Variants in MAP3K19 observed in about 807,000 individuals in gnomAD.
MAP3K19 encodes the protein SPS1/STE20-related protein kinase YSK4.
A neutral mutation model predicts 114.4 loss-of-function variants in MAP3K19; 91 were observed. The ratio of observed to expected loss-of-function variants is 0.80; its 90% CI spans 0.67 to 0.95. MAP3K19 has a LOEUF of 0.95. Among genes scored for constraint, MAP3K19 ranks in the 40% least tolerant of loss-of-function variants. The pLI is 0.00. For missense variants in MAP3K19, 1,471 were observed against 1,573.2 expected (o/e 0.94, Z 1.10); for synonymous variants, 518 against 530.5 (o/e 0.98, Z 0.32).
intron 8 of MAP3K19, among the ~76,000 whole-genome samples, chr2:134,998,036 G>A (rs1192783739): frequency 6.6e-6 from 1 of 152,092 alleles, no homozygotes; most frequent in East Asian, 1.9e-4. Flanking sequence ...TGAGGACAGT[G>A]GTAAACAAGT....
rs769078946 is a variant in MAP3K19, at chr2:134,987,744, T to C, written c.1128A>G (p.Val376=). Residue 376 remains valine (V), a synonymous_variant, in exon 10 of 13, where the codon GTA becomes GTG. Transcript: ENST00000392915. The stretch of plus-strand genomic sequence containing the variant: ...CTGGATCTTGTTCATAGTTTTTGGC[T>C]ACTGAACTCTCATTCTTTCTTGATG... ...YLSSRKNESS[V]AKNYEQDPEI... The C allele has an allele frequency of 1.2e-6, 2 of 1,609,738 alleles. No individual in the cohort carries two copies. The highest frequency in any genetic ancestry group is 3.3e-5 in the Admixed American group (2 of 59,992).
At chr2:135,018,287 A>AAG (rs1443339755) in intron 5 of MAP3K19, among the ~76,000 whole-genome samples, 1 of 151,210 alleles carries the variant, frequency 6.6e-6, no homozygotes, top group African/African-American at 2.4e-5. Context: ...ACAGCAAAAA[A>AAG]AAAAAAAAAA....
chr2:135,032,112 A>G (rs56369660), intron 2 of MAP3K19, among the ~76,000 whole-genome samples: 47,211 of 151,994 alleles, frequency 0.31, 11,069 homozygotes, highest in African/African-American at 0.64. Context: ...AAAACAGTCT[A>G]GTTTGGGAGG....
At position 134,988,264 on chromosome 2, in the gene MAP3K19, G is replaced by T; in HGVS notation, c.619-11C>A. ...TGGTGGCAGAAGGAACTAAAAGGAA[G>T]ACAGAAAAAGCTGTGAATGCAGAAA... On this transcript the variant is annotated splice_polypyrimidine_tract_variant and intron_variant, in intron 9 of 12. Coordinates refer to ENST00000392915, the MANE Select transcript of MAP3K19 (RefSeq NM_025052.5). 6.5e-7 allele frequency: 1 copy of T among 1,532,892 alleles called. No individual in the cohort carries two copies. Among genetic ancestry groups the T allele is most frequent in the South Asian group, 1.3e-5 (1 of 76,574 alleles). The allele number at this position is 1,532,892 out of a possible 1,614,324, so 95.0% of individuals were successfully genotyped here.
chr2:134,967,409 G>A (rs530259353), intron 12 of MAP3K19, among the ~76,000 whole-genome samples: 22 of 152,312 alleles, frequency 1.4e-4, no homozygotes, highest in Middle Eastern at 3.4e-3. Context: ...GAGGAAGGCC[G>A]CTGCATCCTG....
chr2:134,989,404 G>A (rs1314750243), intron 9 of MAP3K19, among the ~76,000 whole-genome samples: 1 of 152,196 alleles, frequency 6.6e-6, no homozygotes, highest in Non-Finnish European at 1.5e-5. Context: ...AAGAAGGAAG[G>A]AAATGGAACC....
chr2:135,003,472 T>C (rs1573995391), intron 6 of MAP3K19, among the ~76,000 whole-genome samples: 1 of 152,350 alleles, frequency 6.6e-6, no homozygotes, highest in African/African-American at 2.4e-5. Context: ...TGTTCACTCA[T>C]GAAAACAGTA....
Position 134,983,818 on chromosome 2 carries a change from C to T in MAP3K19, c.3080G>A (p.Ser1027Asn). 6.4e-7 allele frequency: 1 copy of T among 1,571,124 alleles called. No homozygotes were observed. Among genetic ancestry groups the T allele is most frequent in the South Asian group, 1.2e-5 (1 of 84,204 alleles). ...ETTKVKIQRH[S>N]SGLRIYDREE... ...CCTGTCATATATCCTGAGCCCACTA[C>T]TATGCCTCTGGAAGAATGAGACAAA... The change falls in exon 11 of 13, where the codon AGT (serine) becomes AAT (asparagine). Residue 1027 changes from serine to asparagine, a missense_variant. Transcript: ENST00000392915.
intron 5 of MAP3K19, among the ~76,000 whole-genome samples, chr2:135,015,876 A>T (rs4346445): frequency 1.1e-4 from 16 of 151,346 alleles, no homozygotes; most frequent in African/African-American, 3.9e-4. Context: ...CTGGCAACAG[A>T]GCGAGCCTCC....
intron 2 of MAP3K19, among the ~76,000 whole-genome samples, chr2:135,037,576 G>A (rs77926302): frequency 0.01 from 1,525 of 152,124 alleles, 23 homozygotes; most frequent in African/African-American, 0.035. Context: ...ATTGTTAGGA[G>A]GCATGTCTCC....
chr2:134,999,141 A>C lies in MAP3K19; in HGVS notation c.315-144T>G. ...CTGAAAGGAAAGGCTGAATCCTGAG[A>C]GGGTAAGACATCTCCACCTGCTGAC... On this transcript the variant is annotated intron_variant, in intron 7 of 12. Transcript: ENST00000392915. The surrounding 1 kb of genome is among the most constrained non-coding windows in gnomAD (Gnocchi z 4.1). 1 of 940,676 alleles carries C rather than the reference A, an allele frequency of 1.1e-6. No homozygotes were observed. Among genetic ancestry groups the C allele is most frequent in the Non-Finnish European group, 1.6e-6 (1 of 628,948 alleles). The allele number at this position is 940,676 out of a possible 1,614,324, so 58.3% of individuals were successfully genotyped here.
chr2:135,008,293 T>C (rs1431559264), intron 5 of MAP3K19, among the ~76,000 whole-genome samples: 1 of 152,142 alleles, frequency 6.6e-6, no homozygotes, highest in Non-Finnish European at 1.5e-5. Flanking sequence ...CGCCTTATTT[T>C]TGTATTTTTA....
intron 5 of MAP3K19, among the ~76,000 whole-genome samples, chr2:135,008,224 G>C (rs1686971346): frequency 6.6e-6 from 1 of 151,944 alleles, no homozygotes; most frequent in Non-Finnish European, 1.5e-5. Context: ...CCGGGTTCAA[G>C]AGATTCTCCT....
At chr2:135,038,880 G>C (rs958789803) in intron 2 of MAP3K19, among the ~76,000 whole-genome samples, 1 of 151,846 alleles carries the variant, frequency 6.6e-6, no homozygotes, top group Non-Finnish European at 1.5e-5. Context: ...GGTTATGCAA[G>C]AGCATATATA....
chr2:135,030,433 A>T lies in MAP3K19; in HGVS notation c.-216T>A, dbSNP rs755853736. 4 of 152,620 alleles carry T rather than the reference A, an allele frequency of 2.6e-5. No homozygotes were observed. Among genetic ancestry groups the T allele is most frequent in the Non-Finnish European group, 1.5e-5 (1 of 68,036 alleles). The allele number at this position is 152,620 out of a possible 1,614,324, so 9.5% of individuals were successfully genotyped here. The stretch of plus-strand genomic sequence containing the variant: ...TTGGATATTGCAATTAGCTACATGA[A>T]TTGCGGTTCGATTGCTGTAATTGCA... On this transcript the variant is annotated 5_prime_UTR_variant, in exon 3 of 13. Transcript: ENST00000392915.
intron 1 of MAP3K19, among the ~76,000 whole-genome samples, chr2:135,043,931 T>G (rs1298532302): frequency 6.6e-6 from 1 of 152,234 alleles, no homozygotes; most frequent in African/African-American, 2.4e-5. Context: ...ACATTTATCA[T>G]TACTACCTGT....
At chr2:134,997,309 A>C (rs1686069285) in intron 8 of MAP3K19, among the ~76,000 whole-genome samples, 1 of 152,224 alleles carries the variant, frequency 6.6e-6, no homozygotes, top group African/African-American at 2.4e-5. Flanking sequence ...GACAGAAAAT[A>C]GAATAGTGGT....
rs781741935 is a variant in MAP3K19, at chr2:134,987,368, T to G, written c.1504A>C (p.Lys502Gln). 1.9e-6 allele frequency: 3 copies of G among 1,614,200 alleles called. No homozygotes were observed. In the South Asian group the frequency reaches 3.3e-5, roughly 18 times the overall value. ...CCCTTTCTTGTTTGGAGGCTTGGTT[T>G]GGCTATCACTGGTTCCTTGGGGCTT... ...DGSPKEPVIA[K>Q]PSLQTRKGTI... Residue 502 changes from lysine (K) to glutamine (Q), a missense_variant, in exon 10 of 13, where the codon AAA becomes CAA. Physicochemically the swap from Lys to Gln is moderately conservative, Grantham distance 53. Coordinates refer to ENST00000392915, the MANE Select transcript of MAP3K19 (RefSeq NM_025052.5).
chr2:135,011,891 C>T (rs1037834182), intron 5 of MAP3K19, among the ~76,000 whole-genome samples: 2 of 151,990 alleles, frequency 1.3e-5, no homozygotes, highest in African/African-American at 2.4e-5. Flanking sequence ...TAGTGAGACC[C>T]CATCTCTACA....
Sources: allele counts gnomAD v4.1 joint callset (sites outside exome capture counted in the v4.1 genomes callset), GRCh38; gene constraint gnomAD v4.1.1; non-coding constraint Gnocchi (gnomAD v3.1); transcripts MANE v1.5; gene names NCBI Gene and HGNC (gene_info 2026-07-23, HGNC 2026-07-21).